EXOC6: variants seen among roughly 807,000 people sequenced by gnomAD.
EXOC6 encodes SEC15-like 1.
A neutral mutation model predicts 112.5 loss-of-function variants in EXOC6; 60 were observed. That is an observed-to-expected ratio of 0.53 (90% confidence interval 0.43 to 0.66). The LOEUF is 0.66. Among genes scored for constraint, EXOC6 ranks in the 30% least tolerant of loss-of-function variants. EXOC6 has a pLI of 0.00. For missense variants in EXOC6, 855 were observed against 957.1 expected (o/e 0.89, Z 1.41); for synonymous variants, 295 against 308.0 (o/e 0.96, Z 0.44).
intron 20 of EXOC6, among the ~76,000 whole-genome samples, chr10:93,032,295 C>T (rs532137019): frequency 6.6e-6 from 1 of 152,274 alleles, no homozygotes; most frequent in East Asian, 1.9e-4. Context: ...ATGATTGCAC[C>T]ACTGCACTCC....
chr10:93,054,224 T>G (rs1480674897), intron 20 of EXOC6, among the ~76,000 whole-genome samples: 1 of 152,242 alleles, frequency 6.6e-6, no homozygotes, highest in Non-Finnish European at 1.5e-5. Flanking sequence ...AAAGAGATTT[T>G]GTCTTGTTCC....
intron 1 of EXOC6, among the ~76,000 whole-genome samples, chr10:92,856,409 T>G (rs561606359): frequency 6.6e-6 from 1 of 152,254 alleles, no homozygotes; most frequent in South Asian, 2.1e-4. Flanking sequence ...TCATTTACCT[T>G]TCTTCAAAAT....
At chr10:92,951,833 C>G (rs549125951) in intron 14 of EXOC6, among the ~76,000 whole-genome samples, 35 of 152,270 alleles carry the variant, frequency 2.3e-4, no homozygotes, top group Non-Finnish European at 4.0e-4. Context: ...CTTGAATTGG[C>G]ATCAAGCCTT....
chr10:92,850,639 G>A (rs61860815), intron 1 of EXOC6, among the ~76,000 whole-genome samples: 1,716 of 152,090 alleles, frequency 0.011, 19 homozygotes, highest in Non-Finnish European at 0.016. Flanking sequence ...CTGTCATCTA[G>A]CTTCAATTCA....
Position 92,920,003 on chromosome 10 carries a change from G to T in EXOC6, c.841G>T (p.Val281Phe), listed in dbSNP as rs777477654. 3 of 1,606,160 alleles carry T rather than the reference G, an allele frequency of 1.9e-6. No individual in the cohort carries two copies. Among genetic ancestry groups the T allele is most frequent in the Non-Finnish European group, 2.6e-6 (3 of 1,176,004 alleles). The change falls in exon 8 of 22, where the codon GTT (valine) becomes TTT (phenylalanine). Residue 281 changes from valine (V) to phenylalanine (F), a missense_variant. Val to Phe is a conservative substitution (Grantham distance 50). This residue lies in a region of EXOC6 where 405 missense variants were observed against 393.6 expected (regional missense o/e 1.03). Coordinates refer to ENST00000260762, the MANE Select transcript of EXOC6 (RefSeq NM_019053.6). ...TCAGATCTTAACTGTTCAGGATCTT[G>T]TTGATTTTTCCCCTGTTTATCGATG... ...EEEILTVQDLVDFSPVYRCLH... is the reference protein window; with the variant it reads ...EEEILTVQDLFDFSPVYRCLH...
chr10:93,016,280 C>T (rs778854144), intron 20 of EXOC6, among the ~76,000 whole-genome samples: 3 of 150,836 alleles, frequency 2.0e-5, no homozygotes, highest in Admixed American at 6.6e-5. Flanking sequence ...ACTACAGACA[C>T]GCACCACCAT....
chr10:93,048,818 CTTTAA>C (rs1846134496), intron 20 of EXOC6, among the ~76,000 whole-genome samples: 2 of 149,756 alleles, frequency 1.3e-5, no homozygotes, highest in South Asian at 4.2e-4. Flanking sequence ...TTTCAGGAAA[CTTTAA>C]TTAAATATCT....
chr10:92,847,375 T>G (rs931911077), upstream of EXOC6, among the ~76,000 whole-genome samples: 1 of 152,228 alleles, frequency 6.6e-6, no homozygotes, highest in Non-Finnish European at 1.5e-5. Flanking sequence ...ACACTGGTCT[T>G]CAGAGCTCAT....
intron 20 of EXOC6, among the ~76,000 whole-genome samples, chr10:93,055,670 A>G (rs950408278): frequency 7.0e-6 from 1 of 143,292 alleles, no homozygotes; most frequent in Non-Finnish European, 1.5e-5. Flanking sequence ...ATTCTTTAAC[A>G]TTGTCTCAGT....
intron 8 of EXOC6, among the ~76,000 whole-genome samples, chr10:92,923,856 A>G (rs1387767884): frequency 6.6e-6 from 1 of 152,152 alleles, no homozygotes; most frequent in Admixed American, 6.5e-5. Context: ...AATGAAAATC[A>G]TACCCTTCAC....
intron 1 of EXOC6, among the ~76,000 whole-genome samples, chr10:92,863,510 C>T (rs1848006530): frequency 6.6e-6 from 1 of 152,140 alleles, no homozygotes; most frequent in Admixed American, 6.5e-5. Context: ...GGTGCAGTAG[C>T]TCATGCTTAT....
chr10:93,024,524 G>A (rs1011488759), intron 20 of EXOC6, among the ~76,000 whole-genome samples: 3 of 152,120 alleles, frequency 2.0e-5, no homozygotes, highest in African/African-American at 7.2e-5. Flanking sequence ...CTCTGCCTCC[G>A]GGGTTCGAGC....
intron 1 of EXOC6, among the ~76,000 whole-genome samples, chr10:92,890,677 C>CCTAT (rs143253790): frequency 0.022 from 3,336 of 151,818 alleles, 54 homozygotes; most frequent in African/African-American, 0.041. Flanking sequence ...TGTCTGTCTG[C>CCTAT]CTATCTATCT....
chr10:92,975,536 C>T (rs1430543750), intron 18 of EXOC6, among the ~76,000 whole-genome samples: 36 of 149,464 alleles, frequency 2.4e-4, no homozygotes, highest in African/African-American at 8.2e-4. Context: ...GGGGGGTCAG[C>T]CCCCCAGCCG....
chr10:92,872,074 C>A (rs1483005144), intron 1 of EXOC6, among the ~76,000 whole-genome samples: 1 of 151,682 alleles, frequency 6.6e-6, no homozygotes, highest in Non-Finnish European at 1.5e-5. Flanking sequence ...CTTTCCATTT[C>A]TTTTATTCTT....
At chr10:93,053,793 C>T (rs1846413568) in intron 20 of EXOC6, among the ~76,000 whole-genome samples, 1 of 152,238 alleles carries the variant, frequency 6.6e-6, no homozygotes. Context: ...ATGAGCTTGC[C>T]TGCCCAGTTT....
At chr10:92,863,765 A>T (rs1848025452) in intron 1 of EXOC6, among the ~76,000 whole-genome samples, 2 of 152,038 alleles carry the variant, frequency 1.3e-5, no homozygotes, top group Non-Finnish European at 2.9e-5. Context: ...ACAAAAAAAA[A>T]TTAGCTGGGC....
chr10:92,886,061 A>C (rs1347101039), intron 1 of EXOC6, among the ~76,000 whole-genome samples: 2 of 152,152 alleles, frequency 1.3e-5, no homozygotes, highest in Non-Finnish European at 2.9e-5. Context: ...AAAGAACGAA[A>C]AATTATTTTT....
intron 17 of EXOC6, among the ~76,000 whole-genome samples, chr10:92,966,170 CAATA>C: frequency 6.6e-6 from 1 of 151,924 alleles, no homozygotes. Context: ...TAACAAAAAG[CAATA>C]AATAAATTTT....
Sources: gnomAD v4.1 joint callset for allele counts (sites outside exome capture counted in the v4.1 genomes callset) on GRCh38, gnomAD v4.1.1 for gene constraint, gnomAD v4.1.1 regional missense constraint, MANE v1.5 for transcripts, NCBI Gene and HGNC (gene_info 2026-07-23, HGNC 2026-07-21) for gene names.